RYR3: variants seen among roughly 807,000 people sequenced by gnomAD.
RYR3 encodes the protein ryanodine receptor 3.
In RYR3, 207 loss-of-function variants were observed where a neutral mutation model predicts 584.3. The ratio of observed to expected loss-of-function variants is 0.35; its 90% CI spans 0.32 to 0.40. RYR3 has a LOEUF of 0.40. Among genes scored for constraint, RYR3 ranks in the 10% least tolerant of loss-of-function variants. The probability of loss-of-function intolerance (pLI) is 1.00; values close to 1 mark genes in which losing one functional copy is unlikely to be tolerated. For missense variants in RYR3, 5,616 were observed against 6,089.2 expected (o/e 0.92, Z 2.59); for synonymous variants, 2,416 against 2,248.5 (o/e 1.07, Z -2.11).
At chr15:33,695,296 C>G (rs914711585) in intron 38 of RYR3, among the ~76,000 whole-genome samples, 10 of 152,280 alleles carry the variant, frequency 6.6e-5, no homozygotes, top group African/African-American at 2.4e-4. Context: ...CCAACAGGTC[C>G]CCTTCCTCCT....
At chr15:33,573,856 T>C (rs1396748782) in intron 12 of RYR3, among the ~76,000 whole-genome samples, 1 of 152,240 alleles carries the variant, frequency 6.6e-6, no homozygotes, top group African/African-American at 2.4e-5. Flanking sequence ...TTTCCAGAAG[T>C]AATGTCTGTT....
At chr15:33,670,621 A>C (rs900526253) in intron 38 of RYR3, 65 bp downstream of exon 38, 1 of 1,463,344 alleles carries the variant, frequency 6.8e-7, no homozygotes, top group Non-Finnish European at 9.2e-7. Flanking sequence ...AACTTTTTTT[A>C]AACAAATACT....
At chr15:33,370,336 G>A (rs933400831) in intron 1 of RYR3, among the ~76,000 whole-genome samples, 8 of 152,154 alleles carry the variant, frequency 5.3e-5, no homozygotes, top group African/African-American at 1.9e-4. Context: ...TGTTACTGAT[G>A]AGTTATTTTG....
At chr15:33,687,738 G>A (rs958542343) in intron 38 of RYR3, among the ~76,000 whole-genome samples, 1 of 152,164 alleles carries the variant, frequency 6.6e-6, no homozygotes, top group African/African-American at 2.4e-5. Flanking sequence ...GAACAGAACA[G>A]AGGCCTCAGA....
chr15:33,477,467 C>T (rs2049483333), intron 2 of RYR3, among the ~76,000 whole-genome samples: 2 of 151,494 alleles, frequency 1.3e-5, no homozygotes, highest in African/African-American at 4.9e-5. Context: ...CCATGGTCCA[C>T]CCTTCCTTGA....
At chr15:33,624,236 T>G (rs550755578) in intron 20 of RYR3, among the ~76,000 whole-genome samples, 13 of 152,258 alleles carry the variant, frequency 8.5e-5, no homozygotes, top group Non-Finnish European at 1.3e-4. Context: ...ACCTGCTACG[T>G]GTGTTATATT....
At position 33,342,438 on chromosome 15, in the gene RYR3, C is replaced by T. The variant is rs111442896; in HGVS notation, c.51+31342C>T. On this transcript the variant is annotated intron_variant, in intron 1 of 103. Coordinates refer to ENST00000634891, the MANE Select transcript of RYR3 (RefSeq NM_001036.6). ...ATTATGTTAGTTTCCTGATCACAGC[C>T]CTTGATGCCAGTTTTCCTGTATGTA... Among the ~76,000 whole-genome samples, 1,305 of 152,192 alleles carry T rather than the reference C, an allele frequency of 8.6e-3. 26 individuals carry two copies. Among genetic ancestry groups the T allele is most frequent in the African/African-American group, 0.029 (1,216 of 41,526 alleles).
intron 20 of RYR3, among the ~76,000 whole-genome samples, chr15:33,627,549 A>G (rs36020093): frequency 0.17 from 25,862 of 152,194 alleles, 2,588 homozygotes; most frequent in African/African-American, 0.26. Flanking sequence ...AAGGTTGCAT[A>G]TGCAAGGGCA....
intron 38 of RYR3, among the ~76,000 whole-genome samples, chr15:33,674,884 TATAAAA>T (rs2064067190): frequency 6.8e-6 from 1 of 146,952 alleles, no homozygotes; most frequent in South Asian, 2.2e-4. Flanking sequence ...ATGGCTGAAT[TATAAAA>T]AGAATAGAAT....
chr15:33,830,890 C>T (rs2077637290), intron 85 of RYR3, 73 bp from the exon 86 acceptor site: 2 of 1,512,050 alleles, frequency 1.3e-6, no homozygotes, highest in South Asian at 1.2e-5. Flanking sequence ...TATCATGTAC[C>T]CTTCCCAAAC....
rs74005963 is a variant in RYR3, at chr15:33,701,407, T to C, written c.6483+327T>C. 2.6e-3 allele frequency among the ~76,000 whole-genome samples: 401 copies of C among 152,264 alleles called. 3 individuals carry two copies. Among genetic ancestry groups the C allele is most frequent in the African/African-American group, 9.5e-3 (396 of 41,548 alleles). ...TCTGCGTAATTTACAGATTTATAAATCTACCTATGGAAGGAAGAGACATGG... is the reference window on the plus strand; with the variant it reads ...TCTGCGTAATTTACAGATTTATAAACCTACCTATGGAAGGAAGAGACATGG... On this transcript the variant is annotated intron_variant, in intron 42 of 103. Coordinates refer to ENST00000634891, the MANE Select transcript of RYR3 (RefSeq NM_001036.6).
rs557120958 is a variant in RYR3, at chr15:33,837,924, C to T, written c.11944C>T (p.Arg3982Trp). Reference protein sequence around the residue: ...DMFNYVDFVDRFHEPAKDIGF... With the variant: ...DMFNYVDFVDWFHEPAKDIGF... Reference sequence around the variant, plus strand: ...GTTTAATTACGTTGATTTTGTAGACCGGTTCCATGAGCCAGCCAAGGACAT... The same window carrying T: ...GTTTAATTACGTTGATTTTGTAGACTGGTTCCATGAGCCAGCCAAGGACAT... The change falls in exon 89 of 104, where the codon CGG (arginine) becomes TGG (tryptophan). Residue 3982 changes from arginine to tryptophan, a missense_variant. Transcript: ENST00000634891. The T allele has an allele frequency of 3.1e-6, 5 of 1,613,866 alleles. No homozygotes were observed. The highest frequency in any genetic ancestry group is 1.1e-5 in the South Asian group (1 of 91,070).
chr15:33,445,362 G>A (rs879880063), intron 1 of RYR3, among the ~76,000 whole-genome samples: 12 of 152,126 alleles, frequency 7.9e-5, no homozygotes, highest in Admixed American at 7.2e-4. Flanking sequence ...ACAACTGGGC[G>A]AATGCTGGTA....
intron 2 of RYR3, among the ~76,000 whole-genome samples, chr15:33,502,805 C>T (rs774294406): frequency 5.3e-5 from 8 of 152,164 alleles, no homozygotes; most frequent in Non-Finnish European, 8.8e-5. Flanking sequence ...CTTGGGCAGG[C>T]GACCTAAACT....
At chr15:33,680,804 A>T (rs1028048365) in intron 38 of RYR3, among the ~76,000 whole-genome samples, 1 of 152,220 alleles carries the variant, frequency 6.6e-6, no homozygotes, top group African/African-American at 2.4e-5. Context: ...GGTGCTATGT[A>T]TGTGGTCAGT....
At chr15:33,862,491 G>C (rs1185741581) in intron 102 of RYR3, among the ~76,000 whole-genome samples, 1 of 152,234 alleles carries the variant, frequency 6.6e-6, no homozygotes, top group African/African-American at 2.4e-5. Flanking sequence ...ACGGGTGTGA[G>C]CCACTGGGCT....
At chr15:33,643,062 C>G (rs947761441) in intron 27 of RYR3, among the ~76,000 whole-genome samples, 1 of 152,206 alleles carries the variant, frequency 6.6e-6, no homozygotes, top group African/African-American at 2.4e-5. Context: ...AGCCTCCCAT[C>G]TAGGAAGAGT....
chr15:33,758,993 C>T (rs1289503257), intron 60 of RYR3, among the ~76,000 whole-genome samples: 3 of 152,174 alleles, frequency 2.0e-5, no homozygotes, highest in African/African-American at 7.2e-5. Flanking sequence ...TGGTGATACC[C>T]AGGCAAACAG....
intron 2 of RYR3, among the ~76,000 whole-genome samples, chr15:33,477,504 A>G (rs539529399): frequency 1.1e-4 from 16 of 149,870 alleles, no homozygotes; most frequent in Non-Finnish European, 2.2e-4. Context: ...CCATTAATTG[A>G]TGGAAGCACT....
Sources: allele counts gnomAD v4.1 joint callset (sites outside exome capture counted in the v4.1 genomes callset), GRCh38; gene constraint gnomAD v4.1.1; transcripts MANE v1.5; gene names NCBI Gene and HGNC (gene_info 2026-07-23, HGNC 2026-07-21).